EYS: variants seen among roughly 807,000 people sequenced by gnomAD.
EYS encodes the protein protein eyes shut homolog.
EYS carries 250 observed loss-of-function variants against 282.1 expected under a neutral mutation model. The observed-to-expected ratio is 0.89, with a 90% confidence interval of 0.80 to 0.98. The LOEUF (loss-of-function observed/expected upper bound fraction) is 0.98. EYS is among the 50% of genes least tolerant of loss of function. The pLI is 0.00. For synonymous variants in EYS, 1,355 were observed against 1,282.9 expected (o/e 1.06, Z -1.20); for missense variants, 4,016 against 3,709.0 (o/e 1.08, Z -2.15).
At chr6:65,569,674 G>A (rs992930770) in intron 2 of EYS, among the ~76,000 whole-genome samples, 13 of 152,020 alleles carry the variant, frequency 8.6e-5, no homozygotes, top group African/African-American at 3.1e-4. Context: ...GGCTCATCTG[G>A]TTTTGTGGTC....
rs1769519105 is a variant in EYS at position 64,026,480 on chromosome 6, C to A, written c.6726-27297G>T. On this transcript the variant is annotated intron_variant, in intron 33 of 42. Coordinates refer to ENST00000503581, the MANE Select transcript of EYS (RefSeq NM_001142800.2). Reference sequence around the variant, plus strand: ...TTTTGTTTCTGCACTATGACTTGGCCCCAATATTCTCTCTCTGATGGGAAA... The same window carrying A: ...TTTTGTTTCTGCACTATGACTTGGCACCAATATTCTCTCTCTGATGGGAAA... Among the ~76,000 whole-genome samples, 3 of 152,048 alleles carry A rather than the reference C, an allele frequency of 2.0e-5. No individual in the cohort carries two copies. In the South Asian group the frequency reaches 6.2e-4, roughly 32 times the overall value.
intron 16 of EYS, among the ~76,000 whole-genome samples, chr6:64,904,443 T>C (rs1767763394): frequency 6.6e-6 from 1 of 152,222 alleles, no homozygotes; most frequent in Non-Finnish European, 1.5e-5. Flanking sequence ...TCATCATTCT[T>C]CAATCGCCAT....
chr6:64,121,701 C>G (rs920857777), intron 31 of EYS, among the ~76,000 whole-genome samples: 1 of 152,156 alleles, frequency 6.6e-6, no homozygotes, highest in Non-Finnish European at 1.5e-5. Context: ...TATGACCTAG[C>G]TTAAATTTGA....
intron 28 of EYS, among the ~76,000 whole-genome samples, chr6:64,412,341 A>G (rs912128108): frequency 6.6e-6 from 1 of 152,150 alleles, no homozygotes; most frequent in Non-Finnish European, 1.5e-5. Context: ...AGCCTATTTA[A>G]AACAATTGTT....
chr6:64,120,529 T>C (rs1474629620), intron 31 of EYS, among the ~76,000 whole-genome samples: 1 of 151,942 alleles, frequency 6.6e-6, no homozygotes, highest in East Asian at 1.9e-4. Flanking sequence ...AAGAAAAAGG[T>C]AACAGATCAA....
At chr6:65,132,587 A>AC (rs1295304126) in intron 12 of EYS, among the ~76,000 whole-genome samples, 3 of 151,914 alleles carry the variant, frequency 2.0e-5, no homozygotes, top group African/African-American at 7.2e-5. Flanking sequence ...TCTATGACAA[A>AC]CCCACAGCCA....
At chr6:64,105,024 T>A (rs1233820713) in intron 31 of EYS, among the ~76,000 whole-genome samples, 5 of 148,648 alleles carry the variant, frequency 3.4e-5, no homozygotes, top group Admixed American at 6.7e-5. Context: ...AATAGAGAGA[T>A]GAATGAATGA....
intron 25 of EYS, among the ~76,000 whole-genome samples, chr6:64,592,673 A>T (rs1332166077): frequency 6.6e-6 from 1 of 152,146 alleles, no homozygotes; most frequent in African/African-American, 2.4e-5. Flanking sequence ...CATGTAAAAA[A>T]CAGCCTGAAG....
chr6:64,960,611 G>C (rs992887746), intron 14 of EYS, among the ~76,000 whole-genome samples: 1 of 152,000 alleles, frequency 6.6e-6, no homozygotes. Flanking sequence ...AAATAAATCC[G>C]TGCCATCTTA....
intron 8 of EYS, among the ~76,000 whole-genome samples, chr6:65,362,292 A>T (rs1327542929): frequency 6.6e-6 from 1 of 152,118 alleles, no homozygotes; most frequent in African/African-American, 2.4e-5. Flanking sequence ...CAGTTCTCTT[A>T]GATATAACTT....
intron 2 of EYS, among the ~76,000 whole-genome samples, chr6:65,584,504 T>C (rs1764975857): frequency 6.6e-6 from 1 of 152,054 alleles, no homozygotes; most frequent in Non-Finnish European, 1.5e-5. Context: ...GGGGCTGAGA[T>C]GCCTTTTTAC....
chr6:65,549,097 T>C (rs992017225), intron 2 of EYS, among the ~76,000 whole-genome samples: 2 of 152,086 alleles, frequency 1.3e-5, no homozygotes, highest in African/African-American at 4.8e-5. Flanking sequence ...GCAGTAATGC[T>C]CTCTCACCCT....
At position 65,133,174 on chromosome 6, in the gene EYS, A is replaced by G. The variant is rs567347977; in HGVS notation, c.2024-75447T>C. Among the ~76,000 whole-genome samples the G allele has an allele frequency of 2.0e-5, 3 of 152,208 alleles. No homozygotes were observed. In the East Asian group the frequency reaches 5.8e-4, roughly 29 times the overall value. ...GATTCAATGCTATTTGTATAAAACT[A>G]CCAATGACATTCTTCACAGAACTAG... On this transcript the variant is annotated intron_variant, in intron 12 of 42. Coordinates refer to ENST00000503581, the MANE Select transcript of EYS (RefSeq NM_001142800.2).
At chr6:64,461,616 A>AGT in intron 26 of EYS, among the ~76,000 whole-genome samples, 1 of 152,204 alleles carries the variant, frequency 6.6e-6, no homozygotes, top group Non-Finnish European at 1.5e-5. Context: ...TTTATACTCC[A>AGT]GTGACTGTGG....
Position 64,011,826 on chromosome 6 carries a change from G to T in EYS, c.6726-12643C>A, listed in dbSNP as rs562817659. Among the ~76,000 whole-genome samples, 18 of 152,248 alleles carry T rather than the reference G, an allele frequency of 1.2e-4. No homozygotes were observed. The South Asian group carries it at 3.5e-3, about 30-fold the overall frequency. On this transcript the variant is annotated intron_variant, in intron 33 of 42. Coordinates refer to ENST00000503581, the MANE Select transcript of EYS (RefSeq NM_001142800.2). ...GTAAGAAAACTGAACAGCACCAACT[G>T]CTTCTAGGGAATACTGCAAAATTGA...
intron 1 of EYS, among the ~76,000 whole-genome samples, chr6:65,670,587 C>T (rs1768361304): frequency 6.6e-6 from 1 of 151,962 alleles, no homozygotes; most frequent in South Asian, 2.1e-4. Context: ...CTATTAATAG[C>T]TTATTACATG....
At chr6:63,828,888 A>G (rs567142292) in intron 36 of EYS, among the ~76,000 whole-genome samples, 1 of 148,430 alleles carries the variant, frequency 6.7e-6, no homozygotes, top group East Asian at 1.9e-4. Flanking sequence ...AATGTAAACT[A>G]ATACAGAATG....
intron 15 of EYS, among the ~76,000 whole-genome samples, chr6:64,942,327 G>GA (rs1769114993): frequency 1.4e-5 from 2 of 144,062 alleles, no homozygotes; most frequent in African/African-American, 5.2e-5. Context: ...AAACATAAGA[G>GA]CAAACTAATT....
At chr6:64,358,583 T>C (rs372279816) in intron 29 of EYS, among the ~76,000 whole-genome samples, 10 of 151,730 alleles carry the variant, frequency 6.6e-5, no homozygotes, top group African/African-American at 2.4e-4. Flanking sequence ...TGAATGAGGA[T>C]TGCAGTGCCT....
Sources: gnomAD v4.1 joint callset for allele counts (sites outside exome capture counted in the v4.1 genomes callset) on GRCh38, gnomAD v4.1.1 for gene constraint, MANE v1.5 for transcripts, NCBI Gene and HGNC (gene_info 2026-07-23, HGNC 2026-07-21) for gene names.